CSTPP1: variants seen among roughly 807,000 people sequenced by gnomAD.
The protein encoded by CSTPP1 is centriolar satellite-associated tubulin polyglutamylase complex regulator 1.
the CSTPP1 span, among the ~76,000 whole-genome samples, chr11:47,139,529 C>T: frequency 6.6e-6 from 1 of 152,202 alleles, no homozygotes; most frequent in East Asian, 1.9e-4. Flanking sequence ...CAACAATTAG[C>T]CTGGCGTGGT....
the CSTPP1 span, among the ~76,000 whole-genome samples, chr11:46,994,205 T>C: frequency 6.6e-6 from 1 of 152,128 alleles, no homozygotes; most frequent in African/African-American, 2.4e-5. Flanking sequence ...TCTAAATATA[T>C]AATCATGTCA....
the CSTPP1 span, among the ~76,000 whole-genome samples, chr11:46,997,264 T>C: frequency 6.6e-6 from 1 of 152,196 alleles, no homozygotes; most frequent in Non-Finnish European, 1.5e-5. Context: ...CTTTTTACTC[T>C]TTTTTCTCTA....
chr11:47,026,818 C>T, the CSTPP1 span, among the ~76,000 whole-genome samples: 1 of 152,076 alleles, frequency 6.6e-6, no homozygotes, highest in South Asian at 2.1e-4. Flanking sequence ...GCAGAGGTTG[C>T]AATAAGTTGA....
chr11:47,139,664 T>C, the CSTPP1 span, among the ~76,000 whole-genome samples: 1 of 142,442 alleles, frequency 7.0e-6, no homozygotes, highest in Admixed American at 7.2e-5. Flanking sequence ...AGAGTGAGAC[T>C]GAACGTCAAA....
the CSTPP1 span, among the ~76,000 whole-genome samples, chr11:47,151,979 C>T: frequency 6.6e-6 from 1 of 152,134 alleles, no homozygotes; most frequent in Non-Finnish European, 1.5e-5. Flanking sequence ...CCTTAATAGC[C>T]TGCCATGAGG....
the CSTPP1 span, among the ~76,000 whole-genome samples, chr11:46,997,453 C>T: frequency 3.3e-5 from 5 of 152,118 alleles, no homozygotes; most frequent in Admixed American, 2.0e-4. Flanking sequence ...GTTAGCCATT[C>T]GTCTAATCAT....
chr11:47,097,666 T>C, the CSTPP1 span, among the ~76,000 whole-genome samples: 3 of 67,010 alleles, frequency 4.5e-5, no homozygotes, highest in East Asian at 3.7e-4. Context: ...AGCCGCCCCG[T>C]CCGGGAGGGA....
the CSTPP1 span, among the ~76,000 whole-genome samples, chr11:47,070,267 GGAGA>G: frequency 1.4e-3 from 207 of 146,842 alleles, no homozygotes; most frequent in African/African-American, 5.0e-3. Flanking sequence ...GGAGAGAGGG[GGAGA>G]GAGAGAGAGA....
At chr11:47,142,968 A>T in the CSTPP1 span, among the ~76,000 whole-genome samples, 1 of 152,208 alleles carries the variant, frequency 6.6e-6, no homozygotes, top group Non-Finnish European at 1.5e-5. Context: ...GCCAGTCCAT[A>T]TCAATAGCAG....
At chr11:47,108,296 G>A in the CSTPP1 span, among the ~76,000 whole-genome samples, 1 of 152,220 alleles carries the variant, frequency 6.6e-6, no homozygotes. Context: ...TGGGAGCACT[G>A]TCATCCAGGA....
At chr11:46,946,717 A>G in the CSTPP1 span, among the ~76,000 whole-genome samples, 1 of 152,150 alleles carries the variant, frequency 6.6e-6, no homozygotes, top group Non-Finnish European at 1.5e-5. Context: ...CCATTATCCT[A>G]TTTCTGGTTC....
chr11:47,149,600 A>G, the CSTPP1 span, among the ~76,000 whole-genome samples: 15 of 152,230 alleles, frequency 9.9e-5, no homozygotes, highest in Admixed American at 2.0e-4. Flanking sequence ...TTCCAAAGCA[A>G]GATGCAGATG....
the CSTPP1 span, among the ~76,000 whole-genome samples, chr11:47,006,141 C>T: frequency 6.6e-6 from 1 of 152,152 alleles, no homozygotes; most frequent in Non-Finnish European, 1.5e-5. Context: ...TTAACATTTC[C>T]TGTATCCATA....
At chr11:47,067,939 T>C in the CSTPP1 span, among the ~76,000 whole-genome samples, 1 of 152,220 alleles carries the variant, frequency 6.6e-6, no homozygotes, top group Non-Finnish European at 1.5e-5. Flanking sequence ...CGTTATCAAA[T>C]TGAGCCATCT....
the CSTPP1 span, chr11:47,161,804 C>T: frequency 7.1e-7 from 1 of 1,409,212 alleles, no homozygotes; most frequent in East Asian, 2.6e-5. Flanking sequence ...TCAGCCCAGC[C>T]AGTGGCCCCG....
the CSTPP1 span, among the ~76,000 whole-genome samples, chr11:47,099,698 G>C: frequency 1.3e-5 from 2 of 152,190 alleles, no homozygotes; most frequent in Non-Finnish European, 2.9e-5. Context: ...AGTCCTGTTT[G>C]TATTGCCTTA....
the CSTPP1 span, among the ~76,000 whole-genome samples, chr11:47,163,321 G>C: frequency 6.6e-6 from 1 of 152,146 alleles, no homozygotes; most frequent in African/African-American, 2.4e-5. Flanking sequence ...CCAAGCTCCA[G>C]AGAGTCTAAC....
the CSTPP1 span, among the ~76,000 whole-genome samples, chr11:47,064,906 G>A: frequency 4.6e-5 from 7 of 151,978 alleles, no homozygotes; most frequent in East Asian, 3.9e-4. Context: ...TACCACACCC[G>A]CTAATTTTTG....
At chr11:47,117,512 T>C in the CSTPP1 span, among the ~76,000 whole-genome samples, 43 of 152,366 alleles carry the variant, frequency 2.8e-4, no homozygotes, top group African/African-American at 1.0e-3. Flanking sequence ...GTTAGTCTGA[T>C]GGGCTTCCCT....
Sources: gnomAD v4.1 joint callset for allele counts (sites outside exome capture counted in the v4.1 genomes callset) on GRCh38, gnomAD v4.1.1 for gene constraint, MANE v1.5 for transcripts, NCBI Gene and HGNC (gene_info 2026-07-23, HGNC 2026-07-21) for gene names.